Variants in MAGI2 observed in about 807,000 individuals in gnomAD.
MAGI2 encodes membrane associated guanylate kinase, WW and PDZ domain containing 2, also known as membrane-associated guanylate kinase, WW and PDZ domain-containing protein 2.
Under a neutral mutation model 133.3 loss-of-function variants are expected in MAGI2, and 35 were observed. That is an observed-to-expected ratio of 0.26 (90% CI 0.20 to 0.35). The LOEUF (loss-of-function observed/expected upper bound fraction) is 0.35, where lower values mean the gene tolerates loss of function less well. Among genes scored for constraint, MAGI2 ranks in the 10% least tolerant of loss-of-function variants. MAGI2 has a pLI of 1.00. For synonymous variants in MAGI2, 729 were observed against 710.6 expected, an observed-to-expected ratio of 1.03 and a Z score of -0.41; for missense variants, 1,636 against 1,863.4, an observed-to-expected ratio of 0.88 and a Z score of 2.25.
chr7:79,349,589 G>C (rs1841559265), intron 1 of MAGI2, among the ~76,000 whole-genome samples: 1 of 151,920 alleles, frequency 6.6e-6, no homozygotes, highest in Non-Finnish European at 1.5e-5. Flanking sequence ...TAGAGAGGTT[G>C]AGTAATTTGG....
intron 3 of MAGI2, 72 bp downstream of exon 3, chr7:78,627,047 TC>T: frequency 1.4e-6 from 2 of 1,447,412 alleles, no homozygotes; most frequent in Non-Finnish European, 9.1e-7. Flanking sequence ...TAACCTGGTG[TC>T]CCCGTGCATT....
At chr7:78,458,880 C>T (rs556052293) in intron 6 of MAGI2, among the ~76,000 whole-genome samples, 4 of 152,268 alleles carry the variant, frequency 2.6e-5, no homozygotes, top group South Asian at 2.1e-4. Flanking sequence ...GTGATCCGCC[C>T]GCCTTGGCTT....
Position 78,957,477 on chromosome 7 carries a change from A to G in MAGI2, c.418+49613T>C, listed in dbSNP as rs573713757. Among the ~76,000 whole-genome samples the G allele has an allele frequency of 1.9e-4, 29 of 152,170 alleles. 2 individuals are homozygous for G. The highest frequency in any genetic ancestry group is 7.0e-4 in the African/African-American group (29 of 41,536). On this transcript the variant is annotated intron_variant, in intron 2 of 21. Transcript: ENST00000354212. ...TAAAACTAATAATTCAGACTGATAA[A>G]TTTACTATATGTAATCGTAAGTACA...
chr7:79,203,129 A>G (rs1468327264), intron 1 of MAGI2, among the ~76,000 whole-genome samples: 2 of 151,986 alleles, frequency 1.3e-5, no homozygotes, highest in Non-Finnish European at 1.5e-5. Flanking sequence ...AAATTAACAC[A>G]TCTAACTTCT....
intron 6 of MAGI2, among the ~76,000 whole-genome samples, chr7:78,372,674 C>G (rs545910773): frequency 6.6e-6 from 1 of 152,104 alleles, no homozygotes; most frequent in Non-Finnish European, 1.5e-5. Context: ...AATATTCCTA[C>G]CATGAAAAAG....
At chr7:79,436,185 A>G (rs1848130771) in intron 1 of MAGI2, among the ~76,000 whole-genome samples, 1 of 150,374 alleles carries the variant, frequency 6.7e-6, no homozygotes, top group Admixed American at 6.7e-5. Flanking sequence ...AGATCGTGCC[A>G]CTACACTCCA....
At chr7:78,827,837 A>G (rs1790798142) in intron 2 of MAGI2, among the ~76,000 whole-genome samples, 2 of 152,172 alleles carry the variant, frequency 1.3e-5, no homozygotes, top group Non-Finnish European at 2.9e-5. Context: ...AAAATAAATT[A>G]TGTTGGTATA....
intron 2 of MAGI2, among the ~76,000 whole-genome samples, chr7:78,743,307 T>C (rs1250270988): frequency 2.6e-5 from 4 of 152,232 alleles, no homozygotes; most frequent in Non-Finnish European, 5.9e-5. Context: ...GTTTAATGTG[T>C]CTGAAGGCAC....
intron 6 of MAGI2, among the ~76,000 whole-genome samples, chr7:78,473,518 A>G (rs1016336774): frequency 3.3e-5 from 5 of 151,996 alleles, no homozygotes; most frequent in African/African-American, 9.7e-5. Context: ...AAGTAAATCC[A>G]CATGTAAAAC....
intron 1 of MAGI2, among the ~76,000 whole-genome samples, chr7:79,011,924 C>CTTTCTTTCTTTCTTTCTTT (rs1808170160): frequency 3.7e-4 from 45 of 121,284 alleles, no homozygotes; most frequent in African/African-American, 9.9e-4. Flanking sequence ...TTCCTTCCTT[C>CTTTCTTTCTTTCTTTCTTT]CTTTCTTTCT....
intron 10 of MAGI2, among the ~76,000 whole-genome samples, chr7:78,250,081 C>A (rs1246079241): frequency 2.6e-5 from 4 of 151,932 alleles, no homozygotes; most frequent in Non-Finnish European, 5.9e-5. Flanking sequence ...GTATTAAAAA[C>A]AAGATGTATT....
At chr7:79,068,509 G>A (rs569625434) in intron 1 of MAGI2, among the ~76,000 whole-genome samples, 2 of 152,014 alleles carry the variant, frequency 1.3e-5, no homozygotes, top group Admixed American at 1.3e-4. Flanking sequence ...CTGGCTAGTG[G>A]TCTATTTTGT....
chr7:79,041,028 G>A (rs1448827900), intron 1 of MAGI2, among the ~76,000 whole-genome samples: 1 of 152,112 alleles, frequency 6.6e-6, no homozygotes, highest in African/African-American at 2.4e-5. Context: ...TTGACGTGAT[G>A]TATATCCCAA....
chr7:78,809,524 T>C (rs901666946), intron 2 of MAGI2, among the ~76,000 whole-genome samples: 2 of 152,224 alleles, frequency 1.3e-5, no homozygotes, highest in African/African-American at 4.8e-5. Context: ...GTCTATTTAA[T>C]TCTGGTACTC....
At chr7:79,250,081 T>C (rs1209573089) in intron 1 of MAGI2, among the ~76,000 whole-genome samples, 1 of 151,960 alleles carries the variant, frequency 6.6e-6, no homozygotes, top group African/African-American at 2.4e-5. Flanking sequence ...TTAGTAAAAT[T>C]TAACATCTCT....
Position 78,150,990 on chromosome 7 carries a change from T to A in MAGI2, c.2845+9035A>T, listed in dbSNP as rs539201228. Among the ~76,000 whole-genome samples, 3 of 151,756 alleles carry A rather than the reference T, an allele frequency of 2.0e-5. No individual in the cohort carries two copies. In the South Asian group the frequency reaches 6.2e-4, roughly 31 times the overall value. On this transcript the variant is annotated intron_variant, in intron 16 of 21. Transcript: ENST00000354212. Reference sequence around the variant, plus strand: ...AGAGTAAAATGTTTGCGTTTGTCTTTCTATTTTACTTCATAAATGCTTCAG... The same window carrying A: ...AGAGTAAAATGTTTGCGTTTGTCTTACTATTTTACTTCATAAATGCTTCAG...
chr7:78,485,678 C>T (rs1006770167), intron 6 of MAGI2: 6 of 151,726 alleles, frequency 4.0e-5, no homozygotes, highest in African/African-American at 7.3e-5. Flanking sequence ...TCTGAAGGTG[C>T]AAACATTTCC....
At chr7:78,138,073 A>G (rs757777834) in intron 16 of MAGI2, among the ~76,000 whole-genome samples, 3 of 152,254 alleles carry the variant, frequency 2.0e-5, no homozygotes, top group Non-Finnish European at 2.9e-5. Context: ...CACATATGCC[A>G]AACAGGGCTT....
chr7:78,171,724 G>A (rs1322787351), intron 14 of MAGI2, among the ~76,000 whole-genome samples: 2 of 152,138 alleles, frequency 1.3e-5, no homozygotes, highest in African/African-American at 4.8e-5. Flanking sequence ...CACCCTTTTA[G>A]TCTTGCTGAC....
Sources: allele counts gnomAD v4.1 joint callset (sites outside exome capture counted in the v4.1 genomes callset), GRCh38; gene constraint gnomAD v4.1.1; transcripts MANE v1.5; gene names NCBI Gene and HGNC (gene_info 2026-07-23, HGNC 2026-07-21).